BMAL1: variants seen among roughly 807,000 people sequenced by gnomAD.
BMAL1 encodes the protein basic helix-loop-helix ARNT-like protein 1.
chr11:13,298,756 T>A, the BMAL1 span, among the ~76,000 whole-genome samples: 1 of 152,196 alleles, frequency 6.6e-6, no homozygotes, highest in Non-Finnish European at 1.5e-5. Context: ...CTGTTAACTC[T>A]CCAGGCCCTG....
At chr11:13,385,906 G>C in the BMAL1 span, 32 of 805,600 alleles carry the variant, frequency 4.0e-5, no homozygotes, top group Admixed American at 2.5e-4. Context: ...AATTTGATAG[G>C]AACAGAATAA....
the BMAL1 span, among the ~76,000 whole-genome samples, chr11:13,327,062 C>T: frequency 6.6e-6 from 1 of 151,756 alleles, no homozygotes; most frequent in Non-Finnish European, 1.5e-5. Context: ...CCTCGTGATC[C>T]ACCCCCCTCA....
At chr11:13,309,654 G>T in the BMAL1 span, among the ~76,000 whole-genome samples, 5 of 152,104 alleles carry the variant, frequency 3.3e-5, no homozygotes, top group Admixed American at 6.6e-5. Flanking sequence ...GCAGTTGGGG[G>T]TATGGGACGG....
At chr11:13,365,644 G>A in the BMAL1 span, 4 of 1,455,032 alleles carry the variant, frequency 2.7e-6, no homozygotes, top group East Asian at 4.6e-5. Flanking sequence ...AGTCAGAAGT[G>A]TCACTCAATT....
chr11:13,294,233 T>G, the BMAL1 span, among the ~76,000 whole-genome samples: 1 of 152,198 alleles, frequency 6.6e-6, no homozygotes, highest in Non-Finnish European at 1.5e-5. Context: ...TTAGATGGAC[T>G]TTACTGGAAA....
the BMAL1 span, chr11:13,378,297 C>T: frequency 6.5e-7 from 1 of 1,543,800 alleles, no homozygotes; most frequent in African/African-American, 1.4e-5. Flanking sequence ...ATTTCTTCCT[C>T]AGTTTTCCCC....
At chr11:13,370,252 C>T in the BMAL1 span, among the ~76,000 whole-genome samples, 1 of 152,134 alleles carries the variant, frequency 6.6e-6, no homozygotes, top group Non-Finnish European at 1.5e-5. Context: ...GCTGGCTGCC[C>T]CTCTCTGTCC....
the BMAL1 span, among the ~76,000 whole-genome samples, chr11:13,386,067 G>A: frequency 6.6e-6 from 1 of 152,198 alleles, no homozygotes; most frequent in African/African-American, 2.4e-5. Flanking sequence ...AGAGAGAGAA[G>A]GCTAATGAAG....
chr11:13,327,432 T>C, the BMAL1 span, among the ~76,000 whole-genome samples: 7 of 152,080 alleles, frequency 4.6e-5, no homozygotes, highest in Non-Finnish European at 1.0e-4. Flanking sequence ...CCAAAGATTG[T>C]GTTTTTTTCT....
chr11:13,308,953 A>G, the BMAL1 span, among the ~76,000 whole-genome samples: 4 of 152,214 alleles, frequency 2.6e-5, no homozygotes, highest in South Asian at 8.3e-4. Flanking sequence ...TCTAGTGGGT[A>G]TAGAGTTTCA....
the BMAL1 span, among the ~76,000 whole-genome samples, chr11:13,326,074 A>G: frequency 6.6e-6 from 1 of 151,966 alleles, no homozygotes; most frequent in South Asian, 2.1e-4. Context: ...GTGGTGGCAC[A>G]CGCCTGTAGT....
the BMAL1 span, among the ~76,000 whole-genome samples, chr11:13,328,191 A>G: frequency 3.3e-5 from 5 of 152,182 alleles, no homozygotes; most frequent in East Asian, 9.6e-4. Flanking sequence ...TTGGCCCAAA[A>G]CATCAGACTA....
the BMAL1 span, chr11:13,372,418 CTACA>C: frequency 6.2e-7 from 1 of 1,613,614 alleles, no homozygotes; most frequent in Non-Finnish European, 8.5e-7. Context: ...AGGTAAGAGT[CTACA>C]TACTACCCTT....
the BMAL1 span, among the ~76,000 whole-genome samples, chr11:13,330,045 C>T: frequency 6.6e-6 from 1 of 152,186 alleles, no homozygotes; most frequent in Admixed American, 6.5e-5. Flanking sequence ...GGCAGACGGA[C>T]AGATGGGTGA....
the BMAL1 span, among the ~76,000 whole-genome samples, chr11:13,314,271 ACT>A: frequency 2.0e-4 from 30 of 146,476 alleles, 1 homozygote; most frequent in African/African-American, 6.7e-4. Flanking sequence ...ACACACACAC[ACT>A]CTGTCTCTCT....
the BMAL1 span, among the ~76,000 whole-genome samples, chr11:13,284,271 T>A: frequency 0.088 from 3,386 of 38,686 alleles, 610 homozygotes; most frequent in African/African-American, 0.2. Context: ...TATATATTTT[T>A]TTTTTTAATG....
At chr11:13,326,968 C>T in the BMAL1 span, among the ~76,000 whole-genome samples, 6 of 152,022 alleles carry the variant, frequency 3.9e-5, no homozygotes, top group African/African-American at 4.8e-5. Flanking sequence ...TACAGGCGCC[C>T]GCCACCACGC....
chr11:13,361,748 A>T, the BMAL1 span, among the ~76,000 whole-genome samples: 2 of 152,136 alleles, frequency 1.3e-5, no homozygotes, highest in African/African-American at 4.8e-5. Flanking sequence ...CAATGAGGTC[A>T]ATAGGAACCA....
chr11:13,318,614 T>C, the BMAL1 span, among the ~76,000 whole-genome samples: 1 of 149,308 alleles, frequency 6.7e-6, no homozygotes, highest in Non-Finnish European at 1.5e-5. Context: ...AGAGTCTTTG[T>C]TGAAATAGGC....
Sources: allele counts gnomAD v4.1 joint callset (sites outside exome capture counted in the v4.1 genomes callset), GRCh38; gene constraint gnomAD v4.1.1; transcripts MANE v1.5; gene names NCBI Gene and HGNC (gene_info 2026-07-23, HGNC 2026-07-21).